The following ACTL6B variants were observed in gnomAD, a reference collection of about 807,000 sequenced individuals.
ACTL6B encodes the protein actin like 6B, also known as actin-like protein 6B.
In ACTL6B, 48 loss-of-function variants were observed where a neutral mutation model predicts 63.3. The ratio of observed to expected loss-of-function variants is 0.76; its 90% confidence interval spans 0.60 to 0.96. The LOEUF (loss-of-function observed/expected upper bound fraction) is 0.96, where lower values mean the gene tolerates loss of function less well. Ranked by LOEUF, ACTL6B falls within the 50% of genes least tolerant of loss-of-function variation. The pLI, the probability that ACTL6B is intolerant of heterozygous loss-of-function variation, is 0.00. For synonymous variants in ACTL6B, 230 were observed against 223.8 expected (o/e 1.03, Z -0.25); for missense variants, 350 against 572.2 (o/e 0.61, Z 3.96).
intron 13 of ACTL6B, among the ~76,000 whole-genome samples, chr7:100,643,912 T>C (rs1803770063): frequency 6.6e-6 from 1 of 152,182 alleles, no homozygotes; most frequent in South Asian, 2.1e-4. Flanking sequence ...TTTATTTTAT[T>C]TTTTTGAGAT....
At position 100,646,977 on chromosome 7, in the gene ACTL6B, G is replaced by A. The variant is rs202095603; in HGVS notation, c.930C>T (p.Asn310=). 12 of 1,613,608 alleles carry A rather than the reference G, an allele frequency of 7.4e-6. No individual in the cohort carries two copies. The highest frequency in any genetic ancestry group is 5.3e-5 in the African/African-American group (4 of 74,856). Residue 310 remains asparagine, a synonymous_variant, in exon 10 of 14, where the codon AAC becomes AAT. Coordinates refer to ENST00000160382, the MANE Select transcript of ACTL6B (RefSeq NM_016188.5). The surrounding 1 kb of genome is among the most constrained non-coding windows in gnomAD (Gnocchi z 6.1). ...RIPEGLFDPS[N]VKGLSGNTML... is the part of the protein sequence containing the mutation. ...CCTCGCCACACAGCCAAACCTTGACGTTCGAGGGATCAAACAGGCCCTCAG... is the reference window on the plus strand; with the variant it reads ...CCTCGCCACACAGCCAAACCTTGACATTCGAGGGATCAAACAGGCCCTCAG...
At chr7:100,653,020 A>C (rs1466669986) in intron 4 of ACTL6B, among the ~76,000 whole-genome samples, 10 of 138,290 alleles carry the variant, frequency 7.2e-5, no homozygotes, top group African/African-American at 2.6e-4. Flanking sequence ...AAAAAAAAAA[A>C]AAAAAAAAAA....
At chr7:100,643,357 G>A (rs1803758619) in intron 13 of ACTL6B, 31 bp from the exon 14 acceptor site, 4 of 1,611,486 alleles carry the variant, frequency 2.5e-6, no homozygotes, top group Non-Finnish European at 3.4e-6. Flanking sequence ...CAGGGTCAGG[G>A]TGGCCTTGGA....
At position 100,655,016 on chromosome 7, in the gene ACTL6B, C is replaced by T. The variant is rs1422028919; in HGVS notation, c.369+3G>A. 6.2e-7 allele frequency: 1 copy of T among 1,612,550 alleles called. No homozygotes were observed. The highest frequency in any genetic ancestry group is 8.5e-7 in the Non-Finnish European group (1 of 1,179,000). ...TGGACATGAGGATGGAGGAGGCACT[C>T]ACCGGAGCCTCGGACATGAGCACTG... On this transcript the variant is annotated splice_donor_region_variant and intron_variant, in intron 4 of 13. Transcript: ENST00000160382. The surrounding 1 kb of genome is among the most constrained non-coding windows in gnomAD (Gnocchi z 4.4).
chr7:100,655,718 C>A lies in ACTL6B; in HGVS notation c.102+85G>T. 2.6e-6 allele frequency: 4 copies of A among 1,513,898 alleles called. No homozygotes were observed. The South Asian group carries it at 3.7e-5, about 14-fold the overall frequency. 93.8% of individuals were successfully genotyped at this position (1,513,898 alleles called of 1,614,324 possible). A position where few individuals can be genotyped will look rare whatever the true frequency, so the allele number is the denominator to read the frequency against. The stretch of plus-strand genomic sequence containing the variant: ...ATTCCCGCTCAGCAGAGCTTCTGGG[C>A]GATCTGGGAGAGCCCTGGGTCACTG... On this transcript the variant is annotated intron_variant, in intron 2 of 13. Transcript: ENST00000160382. The surrounding 1 kb of genome is among the most constrained non-coding windows in gnomAD (Gnocchi z 4.4).
intron 4 of ACTL6B, among the ~76,000 whole-genome samples, chr7:100,652,248 A>G (rs546554564): frequency 1.7e-3 from 260 of 152,072 alleles, no homozygotes; most frequent in African/African-American, 6.0e-3. Context: ...AATACAAAAA[A>G]TTAGCCGGGC....
In ACTL6B at chr7:100,646,765, T is replaced by A; in HGVS notation, c.1003A>T (p.Ile335Phe). The change falls in exon 11 of 14, where the codon ATT (isoleucine) becomes TTT (phenylalanine). Residue 335 changes from isoleucine to phenylalanine, a missense_variant. Physicochemically the swap from Ile to Phe is conservative, Grantham distance 21. Coordinates refer to ENST00000160382, the MANE Select transcript of ACTL6B (RefSeq NM_016188.5). The surrounding 1 kb of genome is among the most constrained non-coding windows in gnomAD (Gnocchi z 6.1). ...CCTGGCCTCACCGGGCGAATATCAATGTCACACATGCCGATGCTGGTGGTC... is the reference window on the plus strand; with the variant it reads ...CCTGGCCTCACCGGGCGAATATCAAAGTCACACATGCCGATGCTGGTGGTC... The part of the protein sequence containing the change: ...VVTTSIGMCD[I>F]DIRPGLYGSV... The A allele has an allele frequency of 6.2e-7, 1 of 1,613,424 alleles. No homozygotes were observed. The highest frequency in any genetic ancestry group is 1.3e-5 in the African/African-American group (1 of 74,962).
At position 100,646,704 on chromosome 7, in the gene ACTL6B, C is replaced by A. The variant is rs777797376; in HGVS notation, c.1017+47G>T. 6.2e-7 allele frequency: 1 copy of A among 1,613,122 alleles called. No homozygotes were observed. The highest frequency in any genetic ancestry group is 8.5e-7 in the Non-Finnish European group (1 of 1,179,738). ...GCAGCCCCCCAACCCCGTCTCCCCA[C>A]TTCCCCTGGGCCCCTTTGCCGAGCC... On this transcript the variant is annotated intron_variant, in intron 11 of 13. Coordinates refer to ENST00000160382, the MANE Select transcript of ACTL6B (RefSeq NM_016188.5). The surrounding 1 kb of genome is among the most constrained non-coding windows in gnomAD (Gnocchi z 6.1).
At chr7:100,652,625 T>C (rs1803962443) in intron 4 of ACTL6B, among the ~76,000 whole-genome samples, 1 of 148,464 alleles carries the variant, frequency 6.7e-6, no homozygotes, top group African/African-American at 2.5e-5. Context: ...AAATATCTAA[T>C]GGAATTGACG....
Position 100,648,348 on chromosome 7 carries a change from GC to G in ACTL6B, c.669+207del. ...CACCACACTGGCCCTCACACATCCT[GC>G]TGTCTGCCAGCTGGTTTCATGACCT... On this transcript the variant is annotated intron_variant, in intron 7 of 13. Coordinates refer to ENST00000160382, the MANE Select transcript of ACTL6B (RefSeq NM_016188.5). The surrounding 1 kb of genome is among the most constrained non-coding windows in gnomAD (Gnocchi z 4.4). 1 of 515,210 alleles carries G rather than the reference GC, an allele frequency of 1.9e-6. No individual in the cohort carries two copies. The allele number at this position is 515,210 out of a possible 1,614,324, so 31.9% of individuals were successfully genotyped here.
In ACTL6B at chr7:100,648,218, G is replaced by A. The variant is rs768486104; in HGVS notation, c.669+338C>T. 4.9e-5 allele frequency: 9 copies of A among 182,404 alleles called. No individual in the cohort carries two copies. Among genetic ancestry groups the A allele is most frequent in the Admixed American group, 2.4e-4 (4 of 16,690 alleles). The allele number at this position is 182,404 out of a possible 1,614,324, so 11.3% of individuals were successfully genotyped here. ...AGCGATCTGCCTGCCTCAGCCTCCC[G>A]AAGTGCTGGGATTACAGGTGTGAGC... On this transcript the variant is annotated intron_variant, in intron 7 of 13. Coordinates refer to ENST00000160382, the MANE Select transcript of ACTL6B (RefSeq NM_016188.5). The surrounding 1 kb of genome is among the most constrained non-coding windows in gnomAD (Gnocchi z 4.4).
intron 4 of ACTL6B, among the ~76,000 whole-genome samples, chr7:100,650,627 A>G (rs1803924341): frequency 1.3e-5 from 2 of 152,156 alleles, no homozygotes; most frequent in Admixed American, 1.3e-4. Flanking sequence ...GCTTGAACCC[A>G]GGAGTTCGAA....
chr7:100,656,343 G>A lies in ACTL6B; in HGVS notation c.12C>T (p.Gly4=), dbSNP rs1163287802. 1 of 1,377,120 alleles carries A rather than the reference G, an allele frequency of 7.3e-7. No individual in the cohort carries two copies. Among genetic ancestry groups the A allele is most frequent in the Non-Finnish European group, 9.4e-7 (1 of 1,060,020 alleles). The allele number at this position is 1,377,120 out of a possible 1,614,324, so 85.3% of individuals were successfully genotyped here. A position where few individuals can be genotyped will look rare whatever the true frequency, so the allele number is the denominator to read the frequency against. ...AGGCTCGCTCACCTCCGCCGTAGAC[G>A]CCCCCGCTCATAGTGCCCGCTGCGC... MSG[G]VYGGDEVGAL... Residue 4 remains glycine, a synonymous_variant, in exon 1 of 14, where the codon GGC becomes GGT. Coordinates refer to ENST00000160382, the MANE Select transcript of ACTL6B (RefSeq NM_016188.5).
In ACTL6B at chr7:100,656,343, G is replaced by GC; in HGVS notation, c.11dup (p.Val5ArgfsTer6). The GC allele has an allele frequency of 1.5e-6, 2 of 1,377,114 alleles. No homozygotes were observed. Among genetic ancestry groups the GC allele is most frequent in the East Asian group, 6.1e-5 (2 of 32,878 alleles). 85.3% of individuals were successfully genotyped at this position (1,377,114 alleles called of 1,614,324 possible). A position where few individuals can be genotyped will look rare whatever the true frequency, so the allele number is the denominator to read the frequency against. ...AGGCTCGCTCACCTCCGCCGTAGAC[G>GC]CCCCCGCTCATAGTGCCCGCTGCGC... On this transcript the variant is annotated frameshift_variant, in exon 1 of 14. Transcript: ENST00000160382. LOFTEE classifies it high-confidence loss of function.
In ACTL6B at chr7:100,654,884, AT is replaced by A. The variant is rs748886451; in HGVS notation, c.369+134del. On this transcript the variant is annotated intron_variant, in intron 4 of 13. Coordinates refer to ENST00000160382, the MANE Select transcript of ACTL6B (RefSeq NM_016188.5). ...CCAAGAAGGAAGGAAATTGTTTGGGATGGGTGAGGGGAGTCTGAAAAGGGAA... is the reference window on the plus strand; with the variant it reads ...CCAAGAAGGAAGGAAATTGTTTGGGAGGGTGAGGGGAGTCTGAAAAGGGAA... The A allele has an allele frequency of 7.6e-4, 528 of 695,096 alleles. 2 individuals carry two copies. Among genetic ancestry groups the A allele is most frequent in the Middle Eastern group, 5.4e-3 (18 of 3,344 alleles). The allele number at this position is 695,096 out of a possible 1,614,324, so 43.1% of individuals were successfully genotyped here.
chr7:100,650,357 T>C (rs1803917009), intron 4 of ACTL6B, among the ~76,000 whole-genome samples: 1 of 149,562 alleles, frequency 6.7e-6, no homozygotes, highest in African/African-American at 2.5e-5. Flanking sequence ...CACACACACA[T>C]ACACTCACAT....
At chr7:100,652,862 G>A (rs886088839) in intron 4 of ACTL6B, among the ~76,000 whole-genome samples, 5 of 150,778 alleles carry the variant, frequency 3.3e-5, no homozygotes, top group South Asian at 2.1e-4. Context: ...TTAGCTGGGC[G>A]TGGTGGCACG....
chr7:100,652,686 T>C lies in ACTL6B; in HGVS notation c.369+2333A>G, dbSNP rs113435681. Among the ~76,000 whole-genome samples the C allele has an allele frequency of 1.0e-3, 153 of 151,376 alleles. 1 individual carries two copies. Among genetic ancestry groups the C allele is most frequent in the Non-Finnish European group, 1.7e-3 (114 of 67,860 alleles). ...ATGATTTAGGGTTCACACTGTTAAG[T>C]AGATAGAAAACCAGACCAAATATAA... is the stretch of plus-strand genomic sequence containing the variant. On this transcript the variant is annotated intron_variant, in intron 4 of 13. Coordinates refer to ENST00000160382, the MANE Select transcript of ACTL6B (RefSeq NM_016188.5).
chr7:100,646,137 TA>T lies in ACTL6B; in HGVS notation c.1200+111del. 1.0e-6 allele frequency: 1 copy of T among 990,092 alleles called. No individual in the cohort carries two copies. Among genetic ancestry groups the T allele is most frequent in the Non-Finnish European group, 1.6e-6 (1 of 637,886 alleles). The allele number at this position is 990,092 out of a possible 1,614,324, so 61.3% of individuals were successfully genotyped here. ...TTCATTGACTGACATTTCTCAAAAC[TA>T]AATGTTTGTTGAATGAATGAATGAA... On this transcript the variant is annotated intron_variant, in intron 13 of 13. Transcript: ENST00000160382. This position sits in a 1 kb window ranked among gnomAD's most constrained non-coding sequence, Gnocchi z 6.1.
Sources: allele counts gnomAD v4.1 joint callset (sites outside exome capture counted in the v4.1 genomes callset), GRCh38; gene constraint gnomAD v4.1.1; non-coding constraint Gnocchi (gnomAD v3.1); transcripts MANE v1.5; gene names NCBI Gene and HGNC (gene_info 2026-07-23, HGNC 2026-07-21).